The following PDE10A variants were observed in gnomAD, a reference collection of about 807,000 sequenced individuals.
PDE10A encodes cAMP and cAMP-inhibited cGMP 3',5'-cyclic phosphodiesterase 10A.
In PDE10A, 39 loss-of-function variants were observed where a neutral mutation model predicts 97.7. That is an observed-to-expected ratio of 0.40 (90% CI 0.31 to 0.52). The LOEUF (loss-of-function observed/expected upper bound fraction) is 0.52, where lower values mean the gene tolerates loss of function less well. PDE10A is among the 20% of genes least tolerant of loss of function. PDE10A has a pLI of 0.56. For synonymous variants in PDE10A, 371 were observed against 376.8 expected (o/e 0.98, Z 0.18); for missense variants, 731 against 1,047.8 (o/e 0.70, Z 4.17).
intron 1 of PDE10A, among the ~76,000 whole-genome samples, chr6:165,815,444 A>G (rs573988007): frequency 1.3e-5 from 2 of 152,292 alleles, no homozygotes; most frequent in Admixed American, 6.5e-5. Flanking sequence ...CAGAGAGAAG[A>G]GACAACAAAG....
At chr6:165,559,930 T>C (rs1784440450) in intron 1 of PDE10A, among the ~76,000 whole-genome samples, 1 of 152,202 alleles carries the variant, frequency 6.6e-6, no homozygotes, top group African/African-American at 2.4e-5. Flanking sequence ...TCCCCAGACA[T>C]GTGAAACTGT....
intron 1 of PDE10A, among the ~76,000 whole-genome samples, chr6:165,839,854 T>G (rs1218899769): frequency 1.7e-4 from 9 of 53,518 alleles, no homozygotes; most frequent in South Asian, 1.2e-3. Flanking sequence ...ATCATCTCCA[T>G]CCCTGTCTCC....
intron 1 of PDE10A, among the ~76,000 whole-genome samples, chr6:165,735,139 A>C (rs1792540194): frequency 7.0e-6 from 1 of 142,258 alleles, no homozygotes; most frequent in South Asian, 2.3e-4. Flanking sequence ...TTGGTAGATA[A>C]ATAGGTAGGT....
intron 1 of PDE10A, among the ~76,000 whole-genome samples, chr6:165,771,077 C>T (rs895268875): frequency 6.6e-6 from 1 of 152,172 alleles, no homozygotes; most frequent in East Asian, 1.9e-4. Flanking sequence ...CAGGGCAGAG[C>T]CCATGTTTTG....
chr6:165,592,898 T>G (rs1786361848), intron 1 of PDE10A, among the ~76,000 whole-genome samples: 1 of 152,206 alleles, frequency 6.6e-6, no homozygotes, highest in Admixed American at 6.5e-5. Flanking sequence ...TGGCAATTCC[T>G]CAGGGATCTA....
intron 1 of PDE10A, among the ~76,000 whole-genome samples, chr6:165,933,857 A>G (rs1214027135): frequency 6.6e-6 from 1 of 152,222 alleles, no homozygotes; most frequent in Non-Finnish European, 1.5e-5. Flanking sequence ...GGTCAGAACC[A>G]AAACGGCTGC....
chr6:165,565,728 T>C (rs1207611663), intron 1 of PDE10A, among the ~76,000 whole-genome samples: 2 of 152,162 alleles, frequency 1.3e-5, no homozygotes, highest in African/African-American at 2.4e-5. Flanking sequence ...AGGGAAATAA[T>C]GGATACGTGG....
intron 1 of PDE10A, among the ~76,000 whole-genome samples, chr6:165,760,442 C>G (rs1793223362): frequency 6.6e-6 from 1 of 152,178 alleles, no homozygotes; most frequent in African/African-American, 2.4e-5. Context: ...CAAGGTCTGA[C>G]CAAGCTAATA....
At chr6:165,780,544 A>C (rs1397270253) in intron 1 of PDE10A, 1 of 152,270 alleles carries the variant, frequency 6.6e-6, no homozygotes, top group Non-Finnish European at 1.5e-5. Flanking sequence ...GATGATTAAG[A>C]GCAAACCTGA....
intron 1 of PDE10A, among the ~76,000 whole-genome samples, chr6:165,619,668 T>A (rs1422651310): frequency 6.6e-6 from 1 of 151,846 alleles, no homozygotes; most frequent in East Asian, 1.9e-4. Flanking sequence ...TATAGTCTAG[T>A]GTAGTGTAGT....
At chr6:165,956,491 T>C (rs1028427417) in intron 1 of PDE10A, among the ~76,000 whole-genome samples, 1 of 152,204 alleles carries the variant, frequency 6.6e-6, no homozygotes, top group African/African-American at 2.4e-5. Flanking sequence ...AAAAGCAAAT[T>C]AATACAGAAA....
intron 1 of PDE10A, among the ~76,000 whole-genome samples, chr6:165,735,000 G>A (rs560613833): frequency 6.9e-6 from 1 of 145,130 alleles, no homozygotes; most frequent in South Asian, 2.1e-4. Flanking sequence ...ATAGTAGGTA[G>A]GTAGGTAGGT....
intron 19 of PDE10A, 36 bp downstream of exon 19, chr6:165,343,355 T>G: frequency 1.5e-6 from 2 of 1,341,678 alleles, no homozygotes; most frequent in Middle Eastern, 3.6e-4. Context: ...TTATTTCTCC[T>G]CACTATCTAT....
chr6:165,695,978 T>G (rs1457334818), intron 1 of PDE10A, among the ~76,000 whole-genome samples: 1 of 152,128 alleles, frequency 6.6e-6, no homozygotes, highest in African/African-American at 2.4e-5. Context: ...TGAACCTCTG[T>G]GTGAAGTCAA....
intron 1 of PDE10A, among the ~76,000 whole-genome samples, chr6:165,579,600 T>C (rs1489359569): frequency 6.6e-6 from 1 of 152,206 alleles, no homozygotes; most frequent in Admixed American, 6.5e-5. Context: ...ATCCTTCACC[T>C]GGCTACTCCA....
chr6:165,672,957 G>A (rs1790689066), intron 1 of PDE10A, among the ~76,000 whole-genome samples: 1 of 152,162 alleles, frequency 6.6e-6, no homozygotes, highest in Non-Finnish European at 1.5e-5. Context: ...GTGACTGAGT[G>A]CAGTTGCCAG....
At chr6:165,837,886 C>T (rs1051379713) in intron 1 of PDE10A, among the ~76,000 whole-genome samples, 2 of 152,120 alleles carry the variant, frequency 1.3e-5, no homozygotes, top group South Asian at 2.1e-4. Context: ...AGGGTTTCAC[C>T]GTGTTAGCCA....
rs1217392743 is a variant in PDE10A, at chr6:165,413,558, A to G, written c.2019T>C (p.Asp673=). 6.2e-7 allele frequency: 1 copy of G among 1,614,198 alleles called. No individual in the cohort carries two copies. Among genetic ancestry groups the G allele is most frequent in the African/African-American group, 1.3e-5 (1 of 75,066 alleles). Reference sequence around the variant, plus strand: ...CGGCAAACATTTTGAAGTTGTTTTCATCTGTTTTAGAGAAGGCACTGCCAC... The same window carrying G: ...CGGCAAACATTTTGAAGTTGTTTTCGTCTGTTTTAGAGAAGGCACTGCCAC... ...KISGSAFSKT[D]ENNFKMFAVF... The change falls in exon 13 of 22, where the codon GAT becomes GAC. Residue 673 remains aspartate (D), a synonymous_variant. Transcript: ENST00000539869.
chr6:165,704,776 C>G (rs1791666101), intron 1 of PDE10A, among the ~76,000 whole-genome samples: 1 of 152,172 alleles, frequency 6.6e-6, no homozygotes. Context: ...AACAAACAGG[C>G]AAGCAAAACC....
Sources: allele counts gnomAD v4.1 joint callset (sites outside exome capture counted in the v4.1 genomes callset), GRCh38; gene constraint gnomAD v4.1.1; transcripts MANE v1.5; gene names NCBI Gene and HGNC (gene_info 2026-07-23, HGNC 2026-07-21).